PALM: variants seen among roughly 807,000 people sequenced by gnomAD.
The protein encoded by PALM is paralemmin, also known as paralemmin-1.
In PALM, 18 loss-of-function variants were observed where a neutral mutation model predicts 30.7. That is an observed-to-expected ratio of 0.59 (90% CI 0.41 to 0.87). The LOEUF is 0.87. Ranked by LOEUF, PALM falls within the 40% of genes least tolerant of loss-of-function variation. The pLI, the probability that PALM is intolerant of heterozygous loss-of-function variation, is 0.00. For synonymous variants in PALM, 286 were observed against 242.8 expected, an observed-to-expected ratio of 1.18 and a Z score of -1.66; for missense variants, 529 against 555.4, an observed-to-expected ratio of 0.95 and a Z score of 0.48.
chr19:718,259 G>A (rs4919886), intron 1 of PALM, among the ~76,000 whole-genome samples: 1 of 152,220 alleles, frequency 6.6e-6, no homozygotes, highest in Non-Finnish European at 1.5e-5. Flanking sequence ...CTGAAAATTA[G>A]GACAGAAGAG....
intron 1 of PALM, among the ~76,000 whole-genome samples, chr19:713,067 G>A (rs1417175452): frequency 2.0e-5 from 3 of 152,200 alleles, no homozygotes; most frequent in Non-Finnish European, 2.9e-5. Context: ...CAGCTGCAGA[G>A]GCATGGGTGG....
At chr19:724,468 G>A (rs1321531444) in intron 1 of PALM, among the ~76,000 whole-genome samples, 5 of 151,742 alleles carry the variant, frequency 3.3e-5, no homozygotes, top group African/African-American at 1.2e-4. Flanking sequence ...TACAGGTGCC[G>A]ACCACCACGC....
chr19:727,223 C>T, intron 3 of PALM, 135 bp downstream of exon 3: 4 of 575,898 alleles, frequency 6.9e-6, no homozygotes, highest in Non-Finnish European at 1.2e-5. Flanking sequence ...TGACCCTGAC[C>T]CCGACCCTGA....
chr19:726,984 G>GTGGCCCCC, intron 2 of PALM, 24 bp from the exon 3 acceptor site: 1 of 1,183,058 alleles, frequency 8.5e-7, no homozygotes. Context: ...GCCCATCCCT[G>GTGGCCCCC]ACCCCACCCG....
intron 1 of PALM, among the ~76,000 whole-genome samples, chr19:718,795 G>A (rs1203215298): frequency 1.3e-5 from 2 of 152,090 alleles, no homozygotes; most frequent in Admixed American, 6.6e-5. Context: ...GGTGGAGAAG[G>A]GAAAGGGGAA....
At chr19:730,367 G>C (rs1393220549) in intron 4 of PALM, among the ~76,000 whole-genome samples, 1 of 152,188 alleles carries the variant, frequency 6.6e-6, no homozygotes, top group Admixed American at 6.5e-5. Context: ...GCCCTTGCCA[G>C]ACCCCGGGGC....
At chr19:739,937 G>A (rs557703913) in intron 7 of PALM, among the ~76,000 whole-genome samples, 14 of 152,296 alleles carry the variant, frequency 9.2e-5, no homozygotes, top group South Asian at 6.2e-4. Context: ...TGCTCCAGCC[G>A]GGGCGACAGA....
intron 7 of PALM, among the ~76,000 whole-genome samples, chr19:738,951 G>C (rs962253964): frequency 1.3e-5 from 2 of 152,196 alleles, no homozygotes; most frequent in East Asian, 1.9e-4. Context: ...CCGCACCTGG[G>C]GTGCAGTGTC....
chr19:727,261 C>CG (rs1381794493), intron 3 of PALM, among the ~76,000 whole-genome samples, 173 bp downstream of exon 3: 51 of 89,924 alleles, frequency 5.7e-4, no homozygotes, highest in Non-Finnish European at 9.4e-4. Flanking sequence ...ACCCTGACCC[C>CG]AACCTGACCC....
intron 5 of PALM, 127 bp from the exon 6 acceptor site, chr19:734,046 G>A (rs915073482): frequency 2.6e-5 from 20 of 773,034 alleles, no homozygotes; most frequent in Non-Finnish European, 6.7e-6. Context: ...AAGAGGATAG[G>A]ATGAGAAGCG....
intron 5 of PALM, 61 bp from the exon 6 acceptor site, chr19:734,112 G>A: frequency 6.4e-7 from 1 of 1,564,556 alleles, no homozygotes; most frequent in South Asian, 1.1e-5. Flanking sequence ...TGACCCCATG[G>A]CTCCCCTTCC....
chr19:728,379 G>GGACCTC (rs1371826507), intron 4 of PALM, among the ~76,000 whole-genome samples: 1 of 152,202 alleles, frequency 6.6e-6, no homozygotes, highest in African/African-American at 2.4e-5. Context: ...CGGATCACAC[G>GGACCTC]GACCTCGCAG....
chr19:745,257 G>A (rs1039733190), intron 8 of PALM, among the ~76,000 whole-genome samples: 3 of 152,250 alleles, frequency 2.0e-5, no homozygotes, highest in Admixed American at 6.5e-5. Flanking sequence ...AACAGGCCCC[G>A]ATGCGGGGAA....
At chr19:719,471 G>A (rs1266271233) in intron 1 of PALM, 15 of 985,090 alleles carry the variant, frequency 1.5e-5, no homozygotes, top group Non-Finnish European at 1.8e-5. Context: ...CGCCGGGGTG[G>A]GCGTCGGGCG....
rs1339460944 is a variant in PALM at position 746,298 on chromosome 19, G to C, written c.648G>C (p.Val216=). The C allele has an allele frequency of 6.2e-7, 1 of 1,612,892 alleles. No individual in the cohort carries two copies. Among genetic ancestry groups the C allele is most frequent in the Admixed American group, 1.7e-5 (1 of 59,840 alleles). ...YEDETKVVHA[V]DGTAENGIHP... Reference sequence around the variant, plus strand: ...CTCCTTGTACAGTGGTCCATGCTGTGGACGGCACCGCCGAGAACGGGATCC... The same window carrying C: ...CTCCTTGTACAGTGGTCCATGCTGTCGACGGCACCGCCGAGAACGGGATCC... The change falls in exon 9 of 9, where the codon GTG becomes GTC. Residue 216 remains valine, a synonymous_variant. Transcript: ENST00000338448. This position sits in a 1 kb window ranked among gnomAD's most constrained non-coding sequence, Gnocchi z 7.1.
Position 727,020 on chromosome 19 carries a change from C to A in PALM, c.70C>A (p.Arg24=). Residue 24 remains arginine, a synonymous_variant, in exon 3 of 9, where the codon CGG becomes AGG. Coordinates refer to ENST00000338448, the MANE Select transcript of PALM (RefSeq NM_002579.3). ...RLQAIAEKRK[R]QAEIENKRRQ... is the part of the protein sequence containing the mutation. ...GCCCTCCCCACAGGAGAAGCGGAAGCGGCAGGCGGAGATCGAGAACAAGCG... is the reference window on the plus strand; with the variant it reads ...GCCCTCCCCACAGGAGAAGCGGAAGAGGCAGGCGGAGATCGAGAACAAGCG... The A allele has an allele frequency of 1.3e-6, 2 of 1,520,010 alleles. No homozygotes were observed. The highest frequency in any genetic ancestry group is 1.2e-5 in the South Asian group (1 of 83,452). The allele number at this position is 1,520,010 out of a possible 1,614,324, so 94.2% of individuals were successfully genotyped here. A position where few individuals can be genotyped will look rare whatever the true frequency, so the allele number is the denominator to read the frequency against.
chr19:724,989 G>C (rs539111592), intron 1 of PALM, among the ~76,000 whole-genome samples: 1 of 151,666 alleles, frequency 6.6e-6, no homozygotes, highest in Admixed American at 6.6e-5. Flanking sequence ...GCGCGATCTC[G>C]GCTCACTGCA....
intron 8 of PALM, among the ~76,000 whole-genome samples, chr19:741,404 C>T (rs113845031): frequency 0.5 from 49,625 of 100,040 alleles, 14,352 homozygotes; most frequent in South Asian, 0.66. Context: ...TGAGGGGAGA[C>T]GGGCTGCAGG....
intron 1 of PALM, among the ~76,000 whole-genome samples, chr19:712,476 T>C (rs11666723): frequency 0.15 from 22,464 of 150,132 alleles, 2,185 homozygotes; most frequent in Non-Finnish European, 0.22. Context: ...CTCTGCCTCC[T>C]GGGTTCAAGC....
Sources: allele counts gnomAD v4.1 joint callset (sites outside exome capture counted in the v4.1 genomes callset), GRCh38; gene constraint gnomAD v4.1.1; non-coding constraint Gnocchi (gnomAD v3.1); transcripts MANE v1.5; gene names NCBI Gene and HGNC (gene_info 2026-07-23, HGNC 2026-07-21).